The following CADPS variants were observed in gnomAD, a reference collection of about 807,000 sequenced individuals.
CADPS encodes the protein calcium-dependent secretion activator 1.
Under a neutral mutation model 167.3 loss-of-function variants are expected in CADPS, and 57 were observed. That is an observed-to-expected ratio of 0.34 (90% CI 0.28 to 0.42). CADPS has a LOEUF of 0.42. Among genes scored for constraint, CADPS ranks in the 20% least tolerant of loss-of-function variants. The pLI is 1.00. For missense variants in CADPS, 1,414 were observed against 1,738.1 expected, an observed-to-expected ratio of 0.81 and a Z score of 3.32; for synonymous variants, 676 against 635.3, an observed-to-expected ratio of 1.06 and a Z score of -0.96.
chr3:62,699,432 C>A (rs1279736400), intron 3 of CADPS, among the ~76,000 whole-genome samples: 1 of 152,110 alleles, frequency 6.6e-6, no homozygotes, highest in East Asian at 1.9e-4. Context: ...CCCAGAGATT[C>A]TAATCTAAGT....
intron 26 of CADPS, among the ~76,000 whole-genome samples, chr3:62,452,924 G>A (rs566855556): frequency 1.3e-5 from 2 of 152,026 alleles, no homozygotes; most frequent in South Asian, 2.1e-4. Flanking sequence ...GACCAGCCTG[G>A]GCAAAATAGG....
chr3:62,550,762 A>G (rs1276243307), intron 10 of CADPS: 7 of 456,128 alleles, frequency 1.5e-5, no homozygotes, highest in Non-Finnish European at 3.1e-5. Flanking sequence ...GTTTCAGTGG[A>G]CACATTGCTG....
chr3:62,788,264 G>T (rs1380144979), intron 1 of CADPS, among the ~76,000 whole-genome samples: 1 of 152,094 alleles, frequency 6.6e-6, no homozygotes, highest in Non-Finnish European at 1.5e-5. Context: ...AAGAAATCGG[G>T]CAGGACATAC....
intron 13 of CADPS, among the ~76,000 whole-genome samples, chr3:62,524,081 TAAAAAG>T (rs961676618): frequency 7.2e-5 from 11 of 152,134 alleles, no homozygotes; most frequent in African/African-American, 2.7e-4. Flanking sequence ...ACCACTGACT[TAAAAAG>T]AAAAAGAGTT....
chr3:62,716,207 T>C (rs2084575266), intron 3 of CADPS, among the ~76,000 whole-genome samples: 1 of 152,090 alleles, frequency 6.6e-6, no homozygotes, highest in Non-Finnish European at 1.5e-5. Flanking sequence ...CTACAGGCAC[T>C]TGCCACCAGC....
At chr3:62,719,750 G>A (rs980073328) in intron 3 of CADPS, among the ~76,000 whole-genome samples, 2 of 152,172 alleles carry the variant, frequency 1.3e-5, no homozygotes, top group Non-Finnish European at 2.9e-5. Context: ...CTAAATGGCC[G>A]TGATGGTCAT....
intron 28 of CADPS, among the ~76,000 whole-genome samples, chr3:62,422,974 C>T (rs1405781341): frequency 6.6e-6 from 1 of 152,092 alleles, no homozygotes; most frequent in African/African-American, 2.4e-5. Flanking sequence ...AACATTTTAC[C>T]CCCCAAATAA....
intron 24 of CADPS, among the ~76,000 whole-genome samples, chr3:62,467,096 A>G (rs967432066): frequency 6.6e-6 from 1 of 152,216 alleles, no homozygotes; most frequent in African/African-American, 2.4e-5. Context: ...TTTAAATAGT[A>G]ATGTGAAGAC....
rs763689737 is a variant in CADPS at position 62,530,662 on chromosome 3, C to T, written c.2291+2209G>A. On this transcript the variant is annotated intron_variant, in intron 13 of 29. Transcript: ENST00000383710. ...CACACATAACTTCTTACCTTTTCAG[C>T]TCTTGATTTGCCTGGGTTTTGGAAT... is the stretch of plus-strand genomic sequence containing the variant. 9.1e-5 allele frequency: 117 copies of T among 1,287,266 alleles called. 1 individual carries two copies. The South Asian group carries it at 1.1e-3, about 12-fold the overall frequency. 79.7% of individuals were successfully genotyped at this position (1,287,266 alleles called of 1,614,324 possible). A position where few individuals can be genotyped will look rare whatever the true frequency, so the allele number is the denominator to read the frequency against.
chr3:62,874,540 G>C lies in CADPS; in HGVS notation c.441+49C>G, dbSNP rs756306828. On this transcript the variant is annotated intron_variant, in intron 1 of 29. Coordinates refer to ENST00000383710, the MANE Select transcript of CADPS (RefSeq NM_003716.4). The surrounding 1 kb of genome is among the most constrained non-coding windows in gnomAD (Gnocchi z 7.1). ...CCAGCTCCCATTGTTCACCCCGCCC[G>C]CCTGGCGACGTCCGGGTGCTGCTCC... The C allele has an allele frequency of 7.0e-7, 1 of 1,425,430 alleles. No homozygotes were observed. Among genetic ancestry groups the C allele is most frequent in the East Asian group, 2.6e-5 (1 of 38,494 alleles). 88.3% of individuals were successfully genotyped at this position (1,425,430 alleles called of 1,614,324 possible).
chr3:62,869,696 C>G (rs1340661516), intron 1 of CADPS, among the ~76,000 whole-genome samples: 1 of 152,108 alleles, frequency 6.6e-6, no homozygotes, highest in Non-Finnish European at 1.5e-5. Context: ...AGAAGCTCCC[C>G]CAGTTCAGGA....
chr3:62,777,605 C>A (rs1432752293), intron 1 of CADPS, among the ~76,000 whole-genome samples: 1 of 152,106 alleles, frequency 6.6e-6, no homozygotes, highest in African/African-American at 2.4e-5. Context: ...CATGCTAATG[C>A]AAGATGTGAA....
chr3:62,835,231 T>G (rs932021324), intron 1 of CADPS, among the ~76,000 whole-genome samples: 1 of 152,156 alleles, frequency 6.6e-6, no homozygotes, highest in Non-Finnish European at 1.5e-5. Flanking sequence ...TCCCATTAAG[T>G]AGTATCTCAA....
In CADPS at chr3:62,753,620, A is replaced by C; in HGVS notation, c.709T>G (p.Trp237Gly). 1 of 1,614,178 alleles carries C rather than the reference A, an allele frequency of 6.2e-7. No individual in the cohort carries two copies. The highest frequency in any genetic ancestry group is 1.1e-5 in the South Asian group (1 of 91,076). ...TAGATGGCATCAAATTTGGCCATCC[A>C]GGAGCTCAGCACAGTCTCCTTGCTG... ...GLSKETVLSS[W>G]MAKFDAIYRG... The change falls in exon 3 of 30, where the codon TGG becomes GGG. Residue 237 changes from tryptophan (W) to glycine (G), a missense_variant. Physicochemically the swap from Trp to Gly is radical, Grantham distance 184. This residue lies in a region of CADPS where 522 missense variants were observed against 559.5 expected (regional missense o/e 0.93). Coordinates refer to ENST00000383710, the MANE Select transcript of CADPS (RefSeq NM_003716.4). This position sits in a 1 kb window ranked among gnomAD's most constrained non-coding sequence, Gnocchi z 4.6.
intron 1 of CADPS, among the ~76,000 whole-genome samples, chr3:62,829,389 A>T (rs1485202374): frequency 6.6e-6 from 1 of 152,142 alleles, no homozygotes; most frequent in Non-Finnish European, 1.5e-5. Flanking sequence ...TGCAAATACT[A>T]TGCCATTTTA....
chr3:62,690,165 G>A (rs2078849031), intron 3 of CADPS, among the ~76,000 whole-genome samples: 1 of 151,908 alleles, frequency 6.6e-6, no homozygotes, highest in South Asian at 2.1e-4. Flanking sequence ...TGTCAACAAT[G>A]CTGGAGCTGG....
intron 3 of CADPS, among the ~76,000 whole-genome samples, chr3:62,686,272 C>A (rs1373303486): frequency 6.6e-6 from 1 of 152,014 alleles, no homozygotes; most frequent in African/African-American, 2.4e-5. Context: ...TATAACACTT[C>A]AGAGGCATAA....
At chr3:62,666,208 G>T (rs559396590) in intron 3 of CADPS, among the ~76,000 whole-genome samples, 11 of 152,238 alleles carry the variant, frequency 7.2e-5, no homozygotes, top group African/African-American at 2.6e-4. Flanking sequence ...TTAATTAGCG[G>T]GAGTGACCAG....
Position 62,412,206 on chromosome 3 carries a change from G to A in CADPS, c.3778-9021C>T, listed in dbSNP as rs1336450429. 6.8e-6 allele frequency among the ~76,000 whole-genome samples: 1 copy of A among 147,378 alleles called. No individual in the cohort carries two copies. The highest frequency in any genetic ancestry group is 1.5e-5 in the Non-Finnish European group (1 of 67,342). ...TGGATACCTGAAAACCCATGCCACT[G>A]AAGTCTTTACAAAGCTATCAGTGCT... On this transcript the variant is annotated intron_variant, in intron 28 of 29. Coordinates refer to ENST00000383710, the MANE Select transcript of CADPS (RefSeq NM_003716.4). The surrounding 1 kb of genome is among the most constrained non-coding windows in gnomAD (Gnocchi z 4.1).
Sources: allele counts gnomAD v4.1 joint callset (sites outside exome capture counted in the v4.1 genomes callset), GRCh38; gene constraint gnomAD v4.1.1; regional missense constraint gnomAD v4.1.1; non-coding constraint Gnocchi (gnomAD v3.1); transcripts MANE v1.5; gene names NCBI Gene and HGNC (gene_info 2026-07-23, HGNC 2026-07-21).